Variants in ZMIZ1 observed in about 807,000 individuals in gnomAD.
The protein encoded by ZMIZ1 is zinc finger MIZ-type containing 1.
Under a neutral mutation model 113.9 loss-of-function variants are expected in ZMIZ1, and 17 were observed. The observed-to-expected ratio is 0.15, with a 90% CI of 0.10 to 0.22. The LOEUF is 0.22. ZMIZ1 is among the 10% of genes least tolerant of loss of function. The probability of loss-of-function intolerance (pLI) is 1.00; values close to 1 mark genes in which losing one functional copy is unlikely to be tolerated. For missense variants in ZMIZ1, 1,059 were observed against 1,477.8 expected, an observed-to-expected ratio of 0.72 and a Z score of 4.65; for synonymous variants, 607 against 603.1, an observed-to-expected ratio of 1.01 and a Z score of -0.09.
intron 4 of ZMIZ1, among the ~76,000 whole-genome samples, chr10:79,197,123 A>G (rs1244007462): frequency 1.3e-5 from 2 of 152,252 alleles, no homozygotes; most frequent in Non-Finnish European, 2.9e-5. Flanking sequence ...CCTGCCGGGC[A>G]TGAGGTTTCT....
chr10:79,134,085 C>A (rs1462248140), intron 2 of ZMIZ1, among the ~76,000 whole-genome samples: 4 of 152,180 alleles, frequency 2.6e-5, no homozygotes, highest in African/African-American at 9.7e-5. Context: ...CCCCGGACAC[C>A]ACTTGAGGCC....
Position 79,313,429 on chromosome 10 carries a change from A to AG in ZMIZ1, c.*685dup, listed in dbSNP as rs1395520900. ...AAAAGGACAAGAGTCTGTGTTTGAG[A>AG]GGGGGTCTGCCATTCCTGCTTGGGG... On this transcript the variant is annotated 3_prime_UTR_variant, in exon 25 of 25. Coordinates refer to ENST00000334512, the MANE Select transcript of ZMIZ1 (RefSeq NM_020338.4). 1.3e-5 allele frequency: 2 copies of AG among 157,074 alleles called. No individual in the cohort carries two copies. The highest frequency in any genetic ancestry group is 2.4e-5 in the African/African-American group (1 of 41,288). The allele number at this position is 157,074 out of a possible 1,614,324, so 9.7% of individuals were successfully genotyped here. A position where few individuals can be genotyped will look rare whatever the true frequency, so the allele number is the denominator to read the frequency against.
chr10:79,086,977 A>G (rs545187971), intron 1 of ZMIZ1, among the ~76,000 whole-genome samples: 7 of 152,352 alleles, frequency 4.6e-5, no homozygotes, highest in African/African-American at 1.2e-4. Context: ...TCTCATGCCA[A>G]AAAGGCAGGG....
At chr10:79,299,629 G>T (rs1343292255) in intron 16 of ZMIZ1, among the ~76,000 whole-genome samples, 1 of 152,258 alleles carries the variant, frequency 6.6e-6, no homozygotes, top group Non-Finnish European at 1.5e-5. Flanking sequence ...TGACCATTGG[G>T]CAGGGCTGCT....
intron 1 of ZMIZ1, among the ~76,000 whole-genome samples, chr10:79,086,590 T>A (rs1842820001): frequency 6.6e-6 from 1 of 152,208 alleles, no homozygotes; most frequent in South Asian, 2.1e-4. Flanking sequence ...CATGGCTTAC[T>A]GCAGTCTCGA....
intron 1 of ZMIZ1, among the ~76,000 whole-genome samples, chr10:79,116,284 T>C (rs1844025528): frequency 6.6e-6 from 1 of 151,968 alleles, no homozygotes; most frequent in South Asian, 2.1e-4. Flanking sequence ...TGGGGGTGTC[T>C]CGACCCTGGG....
At chr10:79,178,317 T>C (rs1458991813) in intron 4 of ZMIZ1, among the ~76,000 whole-genome samples, 1 of 152,212 alleles carries the variant, frequency 6.6e-6, no homozygotes, top group East Asian at 1.9e-4. Context: ...AACCTGCAGG[T>C]GTGGCCACGC....
At chr10:79,084,034 C>G (rs898014726) in intron 1 of ZMIZ1, among the ~76,000 whole-genome samples, 1 of 152,192 alleles carries the variant, frequency 6.6e-6, no homozygotes, top group Non-Finnish European at 1.5e-5. Context: ...TGGCATTCAT[C>G]CCCTGCATGT....
chr10:79,250,816 G>A (rs925026042), intron 7 of ZMIZ1, among the ~76,000 whole-genome samples: 1 of 152,110 alleles, frequency 6.6e-6, no homozygotes, highest in South Asian at 2.1e-4. Flanking sequence ...AGAACCCCTC[G>A]CTGAGAGGAA....
chr10:79,303,871 A>G, intron 18 of ZMIZ1, 144 bp from the exon 19 acceptor site: 1 of 1,201,054 alleles, frequency 8.3e-7, no homozygotes, highest in South Asian at 1.4e-5. Flanking sequence ...AGTGCCACAC[A>G]CTGCCCTCTC....
At chr10:79,200,698 G>T (rs536264585) in intron 4 of ZMIZ1, among the ~76,000 whole-genome samples, 2 of 152,290 alleles carry the variant, frequency 1.3e-5, no homozygotes, top group East Asian at 1.9e-4. Context: ...AATGGGTGTG[G>T]TGCTCATTCT....
At position 79,145,106 on chromosome 10, in the gene ZMIZ1, C is replaced by G. The variant is rs541269259; in HGVS notation, c.-131+5329C>G. ...CCTCCCTCCTTCCTGCCCTCTTTCC[C>G]CCTCCCCCTCTGTCTGTGTCTTCCT... is the stretch of plus-strand genomic sequence containing the variant. On this transcript the variant is annotated intron_variant, in intron 3 of 24. Transcript: ENST00000334512. 8.5e-5 allele frequency among the ~76,000 whole-genome samples: 13 copies of G among 152,052 alleles called. No homozygotes were observed. In the South Asian group the frequency reaches 1.9e-3, roughly 22 times the overall value.
intron 7 of ZMIZ1, among the ~76,000 whole-genome samples, chr10:79,251,688 C>T (rs1054500988): frequency 6.6e-6 from 1 of 152,230 alleles, no homozygotes; most frequent in Non-Finnish European, 1.5e-5. Flanking sequence ...AAGCTCAGGG[C>T]TCACTCAGTG....
intron 7 of ZMIZ1, among the ~76,000 whole-genome samples, chr10:79,266,521 T>C (rs1265615223): frequency 6.6e-6 from 1 of 152,146 alleles, no homozygotes; most frequent in Non-Finnish European, 1.5e-5. Context: ...CACGGCCCGG[T>C]TAGATCCTCA....
chr10:79,109,393 C>A (rs1328054458), intron 1 of ZMIZ1, among the ~76,000 whole-genome samples: 1 of 152,190 alleles, frequency 6.6e-6, no homozygotes, highest in Non-Finnish European at 1.5e-5. Context: ...GGCTGGGCTG[C>A]CCCCGCCTGA....
intron 4 of ZMIZ1, among the ~76,000 whole-genome samples, chr10:79,190,854 A>G (rs1490540045): frequency 2.0e-5 from 3 of 152,212 alleles, no homozygotes; most frequent in Non-Finnish European, 4.4e-5. Context: ...AGTTTAGGGT[A>G]AAGAGCACAA....
At chr10:79,232,101 A>G (rs1849417403) in intron 7 of ZMIZ1, among the ~76,000 whole-genome samples, 1 of 152,180 alleles carries the variant, frequency 6.6e-6, no homozygotes, top group Non-Finnish European at 1.5e-5. Flanking sequence ...ACTTTAAGGA[A>G]CTGACTTAAC....
At chr10:79,231,414 T>A (rs1335275877) in intron 7 of ZMIZ1, among the ~76,000 whole-genome samples, 1 of 151,838 alleles carries the variant, frequency 6.6e-6, no homozygotes, top group East Asian at 2.0e-4. Context: ...TGGCTAATGT[T>A]TGTATTTTTA....
At chr10:79,116,913 G>A (rs1190478873) in intron 1 of ZMIZ1, among the ~76,000 whole-genome samples, 2 of 152,212 alleles carry the variant, frequency 1.3e-5, no homozygotes, top group Non-Finnish European at 2.9e-5. Flanking sequence ...CTGAAAACTT[G>A]GTGGCTTAAA....
Sources: allele counts gnomAD v4.1 joint callset (sites outside exome capture counted in the v4.1 genomes callset), GRCh38; gene constraint gnomAD v4.1.1; transcripts MANE v1.5; gene names NCBI Gene and HGNC (gene_info 2026-07-23, HGNC 2026-07-21).